Variants in TMEM132B observed in about 807,000 individuals in gnomAD.
The protein encoded by TMEM132B is transmembrane protein 132B.
Under a neutral mutation model 90.8 loss-of-function variants are expected in TMEM132B, and 18 were observed. The ratio of observed to expected loss-of-function variants is 0.20; its 90% CI spans 0.14 to 0.29. TMEM132B has a LOEUF of 0.29. Among genes scored for constraint, TMEM132B ranks in the 10% least tolerant of loss-of-function variants. The probability of loss-of-function intolerance (pLI) is 1.00; values close to 1 mark genes in which losing one functional copy is unlikely to be tolerated. For synonymous variants in TMEM132B, 504 were observed against 523.3 expected, an observed-to-expected ratio of 0.96 and a Z score of 0.50; for missense variants, 1,096 against 1,326.8, an observed-to-expected ratio of 0.83 and a Z score of 2.70.
Position 125,554,427 on chromosome 12 carries a change from T to TAAA in TMEM132B, c.1294-29399_1294-29397dup, listed in dbSNP as rs71447048. 2.6e-3 allele frequency among the ~76,000 whole-genome samples: 184 copies of TAAA among 69,490 alleles called. 2 individuals are homozygous for TAAA. The highest frequency in any genetic ancestry group is 8.8e-3 in the African/African-American group (175 of 19,968). 45.6% of individuals were successfully genotyped at this position (69,490 alleles called of 152,430 possible). ...GCGACAAAGTGAGACTCCATTTCATTAAAAAAAAAAAAAAAAAAAAAAAAA... is the reference window on the plus strand; with the variant it reads ...GCGACAAAGTGAGACTCCATTTCATTAAAAAAAAAAAAAAAAAAAAAAAAAAAA... On this transcript the variant is annotated intron_variant, in intron 4 of 8. Coordinates refer to ENST00000682704, the MANE Select transcript of TMEM132B (RefSeq NM_001366854.1).
rs1256960959 is a variant in TMEM132B, at chr12:125,578,922, T to G, written c.1294-4929T>G. ...TGATTATGATGTATCTAGGTGCGGA[T>G]CTCTCTGAGTTTATTCTATTTTGAG... On this transcript the variant is annotated intron_variant, in intron 4 of 8. Coordinates refer to ENST00000682704, the MANE Select transcript of TMEM132B (RefSeq NM_001366854.1). 3.3e-5 allele frequency among the ~76,000 whole-genome samples: 5 copies of G among 152,190 alleles called. No homozygotes were observed. The East Asian group carries it at 7.7e-4, about 23-fold the overall frequency.
At chr12:125,599,572 A>G (rs554372503) in intron 5 of TMEM132B, among the ~76,000 whole-genome samples, 24 of 152,202 alleles carry the variant, frequency 1.6e-4, no homozygotes, top group African/African-American at 5.8e-4. Context: ...GAGCTGAACG[A>G]TCATGCTTGG....
chr12:125,348,130 C>T (rs1193366631), intron 1 of TMEM132B, among the ~76,000 whole-genome samples: 1 of 151,858 alleles, frequency 6.6e-6, no homozygotes, highest in Non-Finnish European at 1.5e-5. Context: ...GTTTTTTTAT[C>T]CTTAATGTCA....
intron 4 of TMEM132B, among the ~76,000 whole-genome samples, chr12:125,553,848 T>G (rs1157392161): frequency 6.6e-6 from 1 of 152,214 alleles, no homozygotes; most frequent in African/African-American, 2.4e-5. Context: ...TACAGTTGCT[T>G]TGTTTTAAGT....
rs556749432 is a variant in TMEM132B, at chr12:125,334,465, T to G, written c.68-14987T>G. On this transcript the variant is annotated intron_variant, in intron 1 of 8. Coordinates refer to ENST00000682704, the MANE Select transcript of TMEM132B (RefSeq NM_001366854.1). Reference sequence around the variant, plus strand: ...CCTTCCTTTTCAGCGGTTAAGTGGCTGGAAGGAATACAGGAAGTAACAGGA... The same window carrying G: ...CCTTCCTTTTCAGCGGTTAAGTGGCGGGAAGGAATACAGGAAGTAACAGGA... 1.2e-4 allele frequency among the ~76,000 whole-genome samples: 18 copies of G among 152,342 alleles called. No individual in the cohort carries two copies. The South Asian group carries it at 3.1e-3, about 26-fold the overall frequency.
At position 125,284,268 on chromosome 12, in the gene TMEM132B, C is replaced by T. The variant is rs147376506; in HGVS notation, c.68-65184C>T. 9.6e-4 allele frequency among the ~76,000 whole-genome samples: 146 copies of T among 152,354 alleles called. 2 individuals are homozygous for T. The highest frequency in any genetic ancestry group is 1.9e-3 in the Non-Finnish European group (129 of 68,036). On this transcript the variant is annotated intron_variant, in intron 1 of 8. Transcript: ENST00000682704. ...CTGTTCCCCAGCCTCCCTCACCTCC[C>T]TCCCAGATGCAGCCAGTGTTACATG...
chr12:125,597,899 T>A (rs887943189), intron 5 of TMEM132B, among the ~76,000 whole-genome samples: 25 of 152,204 alleles, frequency 1.6e-4, no homozygotes, highest in African/African-American at 5.8e-4. Context: ...CCAGGTTCAC[T>A]TTATTCCACA....
At chr12:125,224,061 A>G (rs1016175789) in intron 1 of TMEM132B, among the ~76,000 whole-genome samples, 20 of 152,306 alleles carry the variant, frequency 1.3e-4, no homozygotes, top group African/African-American at 4.8e-4. Context: ...ACAGGCGTGA[A>G]CCACCGTGCC....
At chr12:125,267,155 A>G (rs1486596502) in intron 1 of TMEM132B, among the ~76,000 whole-genome samples, 2 of 152,082 alleles carry the variant, frequency 1.3e-5, no homozygotes, top group African/African-American at 2.4e-5. Context: ...TCGTTTAACC[A>G]TCCCCATGTA....
chr12:125,299,774 C>G (rs557491869), intron 1 of TMEM132B, among the ~76,000 whole-genome samples: 1 of 152,224 alleles, frequency 6.6e-6, no homozygotes, highest in South Asian at 2.1e-4. Context: ...TGCCCAGAAT[C>G]TGTACTCTTC....
intron 4 of TMEM132B, among the ~76,000 whole-genome samples, chr12:125,535,194 T>C (rs1883764870): frequency 6.6e-6 from 1 of 152,258 alleles, no homozygotes; most frequent in Admixed American, 6.5e-5. Flanking sequence ...CAGGCATCCC[T>C]ACTCACTTCA....
intron 1 of TMEM132B, among the ~76,000 whole-genome samples, chr12:125,316,617 T>TCTTTCTTTTTTTTTTTTTTTTA (rs1555239076): frequency 6.6e-6 from 1 of 151,870 alleles, no homozygotes; most frequent in Non-Finnish European, 1.5e-5. Context: ...TAGATGATTT[T>TCTTTCTTTTTTTTTTTTTTTTA]CAGCTGAGGT....
chr12:125,549,952 C>G (rs561339035), intron 4 of TMEM132B, among the ~76,000 whole-genome samples: 1 of 152,330 alleles, frequency 6.6e-6, no homozygotes, highest in Admixed American at 6.5e-5. Flanking sequence ...ATCCTTCTCT[C>G]CCTGCTTTGT....
chr12:125,358,722 G>A (rs1467745836), intron 2 of TMEM132B, among the ~76,000 whole-genome samples: 1 of 152,172 alleles, frequency 6.6e-6, no homozygotes, highest in Non-Finnish European at 1.5e-5. Context: ...CTTCTCAGCA[G>A]TGATGGTTAA....
intron 3 of TMEM132B, among the ~76,000 whole-genome samples, chr12:125,425,363 T>C (rs1338370094): frequency 6.6e-6 from 1 of 152,168 alleles, no homozygotes; most frequent in African/African-American, 2.4e-5. Context: ...GTATAGCAAA[T>C]TGCCACATTA....
At chr12:125,543,479 C>A (rs557917900) in intron 4 of TMEM132B, among the ~76,000 whole-genome samples, 1 of 152,168 alleles carries the variant, frequency 6.6e-6, no homozygotes, top group Admixed American at 6.5e-5. Context: ...TATGCAAATA[C>A]TGTATCATTT....
chr12:125,236,748 A>G (rs1457231974), intron 1 of TMEM132B, among the ~76,000 whole-genome samples: 2 of 152,184 alleles, frequency 1.3e-5, no homozygotes, highest in Admixed American at 6.5e-5. Context: ...TTTCCTGGCC[A>G]CTTACCCTGG....
intron 1 of TMEM132B, among the ~76,000 whole-genome samples, chr12:125,244,689 T>G (rs1483839278): frequency 6.6e-6 from 1 of 152,060 alleles, no homozygotes; most frequent in Non-Finnish European, 1.5e-5. Context: ...CCAGAGAAGG[T>G]CAGTTCATTC....
chr12:125,598,514 G>T (rs1056372567), intron 5 of TMEM132B, among the ~76,000 whole-genome samples: 2 of 152,164 alleles, frequency 1.3e-5, no homozygotes, highest in African/African-American at 2.4e-5. Flanking sequence ...TTACAGAGTT[G>T]TCTCAGTAAG....
Sources: gnomAD v4.1 joint callset for allele counts (sites outside exome capture counted in the v4.1 genomes callset) on GRCh38, gnomAD v4.1.1 for gene constraint, MANE v1.5 for transcripts, NCBI Gene and HGNC (gene_info 2026-07-23, HGNC 2026-07-21) for gene names.